The following USP15 variants were observed in gnomAD, a reference collection of about 807,000 sequenced individuals.
USP15 encodes ubiquitin specific peptidase 15, also known as ubiquitin carboxyl-terminal hydrolase 15.
In USP15, 18 loss-of-function variants were observed where a neutral mutation model predicts 127.1. The ratio of observed to expected loss-of-function variants is 0.14; its 90% CI spans 0.10 to 0.21. USP15 has a LOEUF of 0.21. Among genes scored for constraint, USP15 ranks in the 10% least tolerant of loss-of-function variants. The pLI is 1.00. For missense variants in USP15, 805 were observed against 1,159.9 expected (o/e 0.69, Z 4.44); for synonymous variants, 364 against 393.7 (o/e 0.92, Z 0.89).
chr12:62,289,255 C>T (rs2063879242), intron 1 of USP15, among the ~76,000 whole-genome samples: 1 of 139,648 alleles, frequency 7.2e-6, no homozygotes, highest in Non-Finnish European at 1.6e-5. Context: ...GGGAGATTTT[C>T]ATCTTACTGA....
chr12:62,296,682 A>G (rs1052686130), intron 2 of USP15, among the ~76,000 whole-genome samples: 2 of 152,216 alleles, frequency 1.3e-5, no homozygotes, highest in African/African-American at 4.8e-5. Flanking sequence ...CCCAAGATCC[A>G]GTTAAGAATT....
chr12:62,330,668 C>A (rs1299759049), intron 6 of USP15, among the ~76,000 whole-genome samples: 1 of 151,668 alleles, frequency 6.6e-6, no homozygotes, highest in East Asian at 1.9e-4. Flanking sequence ...CACCTGTAAT[C>A]CTAGCATTTT....
At chr12:62,290,186 A>C (rs140475664) in intron 1 of USP15, among the ~76,000 whole-genome samples, 1 of 152,168 alleles carries the variant, frequency 6.6e-6, no homozygotes, top group Non-Finnish European at 1.5e-5. Context: ...TGTCCTGATG[A>C]TCTGTCTAGT....
chr12:62,410,066 C>T lies in USP15; in HGVS notation c.*5691C>T, dbSNP rs2137709117. On this transcript the variant is annotated 3_prime_UTR_variant, in exon 22 of 22. Coordinates refer to ENST00000280377, the MANE Select transcript of USP15 (RefSeq NM_001252078.2). ...GTCTAGTCATATGCATACCTACTCT[C>T]TTCTAACCTTGAGTCATTTCTATTA... 1.3e-5 allele frequency: 2 copies of T among 152,260 alleles called. No homozygotes were observed. The highest frequency in any genetic ancestry group is 4.1e-4 in the South Asian group (2 of 4,828). The allele number at this position is 152,260 out of a possible 1,614,324, so 9.4% of individuals were successfully genotyped here.
chr12:62,406,888 C>T lies in USP15; in HGVS notation c.*2513C>T, dbSNP rs2067883534. The T allele has an allele frequency of 6.6e-6, 1 of 151,796 alleles. No individual in the cohort carries two copies. 9.4% of individuals were successfully genotyped at this position (151,796 alleles called of 1,614,324 possible). A position where few individuals can be genotyped will look rare whatever the true frequency, so the allele number is the denominator to read the frequency against. ...GCTGAGGTGAGAGAATTGCTTGAGCCCAGGCAGTCAAGGCCGCAGTTAGCC... is the reference window on the plus strand; with the variant it reads ...GCTGAGGTGAGAGAATTGCTTGAGCTCAGGCAGTCAAGGCCGCAGTTAGCC... On this transcript the variant is annotated 3_prime_UTR_variant, in exon 22 of 22. Transcript: ENST00000280377.
intron 1 of USP15, among the ~76,000 whole-genome samples, chr12:62,286,220 G>A (rs1355775644): frequency 1.3e-5 from 2 of 151,974 alleles, no homozygotes; most frequent in Non-Finnish European, 2.9e-5. Flanking sequence ...AGTGGACAAA[G>A]AACATGAAGA....
chr12:62,403,919 A>G (rs1419040710), intron 21 of USP15, among the ~76,000 whole-genome samples: 1 of 152,060 alleles, frequency 6.6e-6, no homozygotes, highest in Non-Finnish European at 1.5e-5. Context: ...ATTGTGATAC[A>G]GTTTGTGTAT....
chr12:62,309,610 A>G (rs570975015), intron 3 of USP15, among the ~76,000 whole-genome samples: 1 of 152,154 alleles, frequency 6.6e-6, no homozygotes, highest in African/African-American at 2.4e-5. Context: ...CAAGAAAGAA[A>G]AATTACAGGC....
intron 6 of USP15, chr12:62,335,388 G>T (rs1592612714): frequency 8.6e-6 from 12 of 1,402,604 alleles, no homozygotes; most frequent in Non-Finnish European, 1.0e-5. Context: ...AGTAATGTCT[G>T]CAACAGTATT....
chr12:62,269,368 GTA>G (rs1014967024), intron 1 of USP15, among the ~76,000 whole-genome samples: 14 of 151,248 alleles, frequency 9.3e-5, no homozygotes, highest in Admixed American at 2.0e-4. Flanking sequence ...GTGTGTGTGT[GTA>G]TATATATATA....
At chr12:62,316,471 A>G (rs1440802857) in intron 4 of USP15, among the ~76,000 whole-genome samples, 1 of 152,226 alleles carries the variant, frequency 6.6e-6, no homozygotes, top group African/African-American at 2.4e-5. Context: ...AGTTTTCAAC[A>G]TATGAAAATT....
At chr12:62,286,686 C>G (rs2063797081) in intron 1 of USP15, among the ~76,000 whole-genome samples, 1 of 151,998 alleles carries the variant, frequency 6.6e-6, no homozygotes, top group Admixed American at 6.6e-5. Context: ...GCCTGTAATC[C>G]CAGCACTTTG....
chr12:62,346,353 G>A (rs2065817924), intron 6 of USP15, among the ~76,000 whole-genome samples: 1 of 152,084 alleles, frequency 6.6e-6, no homozygotes, highest in Admixed American at 6.6e-5. Flanking sequence ...TTCATGCTAA[G>A]GTTTCAGCAG....
chr12:62,371,767 A>G (rs2066677264), intron 8 of USP15, among the ~76,000 whole-genome samples: 1 of 152,164 alleles, frequency 6.6e-6, no homozygotes, highest in Admixed American at 6.6e-5. Context: ...ATTATCTTCC[A>G]TATAGATTTA....
intron 7 of USP15, among the ~76,000 whole-genome samples, 178 bp downstream of exon 7, chr12:62,349,485 C>T (rs2065908471): frequency 6.6e-6 from 1 of 151,876 alleles, no homozygotes; most frequent in Admixed American, 6.6e-5. Context: ...TAAATTGCTT[C>T]TTGATTTAAT....
chr12:62,281,370 T>G (rs1015539651), intron 1 of USP15, among the ~76,000 whole-genome samples: 1 of 152,216 alleles, frequency 6.6e-6, no homozygotes, highest in African/African-American at 2.4e-5. Context: ...AGAATCTTGC[T>G]CTATTGCCCA....
intron 6 of USP15, among the ~76,000 whole-genome samples, chr12:62,333,312 G>T (rs938367389): frequency 1.3e-5 from 2 of 152,134 alleles, no homozygotes; most frequent in African/African-American, 2.4e-5. Flanking sequence ...CATTACCCAG[G>T]CTGGAATGCA....
At chr12:62,273,009 T>A (rs1405363693) in intron 1 of USP15, among the ~76,000 whole-genome samples, 1 of 152,086 alleles carries the variant, frequency 6.6e-6, no homozygotes, top group Non-Finnish European at 1.5e-5. Context: ...GAAATCCTTG[T>A]CATTGCATTA....
At chr12:62,371,452 T>G (rs1164479241) in intron 8 of USP15, among the ~76,000 whole-genome samples, 1 of 152,182 alleles carries the variant, frequency 6.6e-6, no homozygotes, top group African/African-American at 2.4e-5. Flanking sequence ...ACAATGTGTC[T>G]ATGGACAAGA....
Sources: gnomAD v4.1 joint callset for allele counts (sites outside exome capture counted in the v4.1 genomes callset) on GRCh38, gnomAD v4.1.1 for gene constraint, MANE v1.5 for transcripts, NCBI Gene and HGNC (gene_info 2026-07-23, HGNC 2026-07-21) for gene names.